Variants in VAV3 observed in about 807,000 individuals in gnomAD.
VAV3 encodes vav guanine nucleotide exchange factor 3, also known as guanine nucleotide exchange factor VAV3.
In VAV3, 94 loss-of-function variants were observed where a neutral mutation model predicts 131.2. That is an observed-to-expected ratio of 0.72 (90% CI 0.61 to 0.85). The LOEUF is 0.85. Ranked by LOEUF, VAV3 falls within the 40% of genes least tolerant of loss-of-function variation. The pLI is 0.00. For synonymous variants in VAV3, 349 were observed against 342.0 expected (o/e 1.02, Z -0.22); for missense variants, 939 against 1,002.7 (o/e 0.94, Z 0.86).
rs1654519601 is a variant in VAV3, at chr1:107,631,876, A to G, written c.1914+10743T>C. On this transcript the variant is annotated intron_variant, in intron 20 of 26. Transcript: ENST00000370056. The stretch of plus-strand genomic sequence containing the variant: ...CCACATTTTCTTAATCCAGTCTATC[A>G]TTGTTGGACATTTGGGTTGGTTCCA... 2.0e-5 allele frequency among the ~76,000 whole-genome samples: 3 copies of G among 152,012 alleles called. No homozygotes were observed. The South Asian group carries it at 6.2e-4, about 32-fold the overall frequency.
intron 1 of VAV3, among the ~76,000 whole-genome samples, chr1:107,946,851 C>T (rs1219034339): frequency 6.6e-6 from 1 of 152,216 alleles, no homozygotes; most frequent in Non-Finnish European, 1.5e-5. Context: ...ACATTAATAA[C>T]ACCAACCATA....
intron 1 of VAV3, among the ~76,000 whole-genome samples, chr1:107,919,347 T>C (rs1254586365): frequency 6.6e-6 from 1 of 152,226 alleles, no homozygotes; most frequent in Non-Finnish European, 1.5e-5. Context: ...ACTAATTCTA[T>C]TACATGGCTC....
Position 107,815,283 on chromosome 1 carries a change from A to G in VAV3, c.322-35791T>C, listed in dbSNP as rs571167642. Among the ~76,000 whole-genome samples the G allele has an allele frequency of 2.6e-5, 4 of 152,324 alleles. No homozygotes were observed. The South Asian group carries it at 6.2e-4, about 24-fold the overall frequency. On this transcript the variant is annotated intron_variant, in intron 2 of 26. Coordinates refer to ENST00000370056, the MANE Select transcript of VAV3 (RefSeq NM_006113.5). ...TTGACTCAAGACCTGCTTTCTGTCA[A>G]TCAGGCATACCAGCCCCAGACTAAC...
chr1:107,753,611 G>C (rs1164081581), intron 12 of VAV3, among the ~76,000 whole-genome samples: 1 of 149,512 alleles, frequency 6.7e-6, no homozygotes, highest in African/African-American at 2.5e-5. Flanking sequence ...CTAGGCTGCA[G>C]TGCAGTGGCA....
intron 2 of VAV3, among the ~76,000 whole-genome samples, chr1:107,780,773 C>T (rs533929339): frequency 6.6e-6 from 1 of 152,276 alleles, no homozygotes; most frequent in East Asian, 1.9e-4. Context: ...GCCTTGGCCT[C>T]CCAAAGTGCT....
At chr1:107,573,737 TA>T (rs1221209567) in intron 26 of VAV3, among the ~76,000 whole-genome samples, 2 of 152,234 alleles carry the variant, frequency 1.3e-5, no homozygotes, top group African/African-American at 4.8e-5. Flanking sequence ...TATTTTGCAA[TA>T]CACATAAAGT....
At chr1:107,746,928 G>A (rs947412664) in intron 15 of VAV3, among the ~76,000 whole-genome samples, 1 of 151,020 alleles carries the variant, frequency 6.6e-6, no homozygotes, top group South Asian at 2.1e-4. Flanking sequence ...TACCCAGGCT[G>A]GAGTGCAGTG....
chr1:107,896,933 A>G (rs1671610500), intron 1 of VAV3, among the ~76,000 whole-genome samples: 1 of 152,164 alleles, frequency 6.6e-6, no homozygotes, highest in Non-Finnish European at 1.5e-5. Flanking sequence ...CTCCAGAAAT[A>G]GACAGGAAAA....
chr1:107,622,760 C>A (rs186940725), intron 20 of VAV3, among the ~76,000 whole-genome samples: 526 of 152,322 alleles, frequency 3.5e-3, no homozygotes, highest in Middle Eastern at 0.01. Flanking sequence ...GACTGTCACC[C>A]TGCCCAGTCA....
chr1:107,612,350 T>C (rs973865720), intron 21 of VAV3, among the ~76,000 whole-genome samples: 3 of 152,082 alleles, frequency 2.0e-5, no homozygotes, highest in Non-Finnish European at 2.9e-5. Flanking sequence ...GGATAGTAAT[T>C]TTCTCTCACA....
intron 19 of VAV3, chr1:107,668,962 T>G: frequency 2.0e-6 from 2 of 990,688 alleles, no homozygotes; most frequent in Non-Finnish European, 2.4e-6. Context: ...TTCAACTCTT[T>G]CGCGATACGG....
chr1:107,764,168 T>C (rs966847685), intron 9 of VAV3, among the ~76,000 whole-genome samples: 2 of 152,016 alleles, frequency 1.3e-5, no homozygotes, highest in African/African-American at 4.8e-5. Context: ...ACTTATATAC[T>C]GTTGTGATCA....
intron 17 of VAV3, among the ~76,000 whole-genome samples, chr1:107,690,055 T>C (rs1659321105): frequency 6.6e-6 from 1 of 152,200 alleles, no homozygotes; most frequent in South Asian, 2.1e-4. Context: ...TGAGGAAAGC[T>C]TTCTACACGA....
At position 107,852,691 on chromosome 1, in the gene VAV3, T is replaced by C. The variant is rs574570803; in HGVS notation, c.321+22210A>G. On this transcript the variant is annotated intron_variant, in intron 2 of 26. Coordinates refer to ENST00000370056, the MANE Select transcript of VAV3 (RefSeq NM_006113.5). ...TTATTCCAAATTATTAAATTAACAT[T>C]ATGTATATCAACTGGTATCTTAAGT... is the stretch of plus-strand genomic sequence containing the variant. 4.6e-5 allele frequency among the ~76,000 whole-genome samples: 7 copies of C among 152,326 alleles called. 1 individual carries two copies. The South Asian group carries it at 1.4e-3, about 32-fold the overall frequency.
intron 19 of VAV3, among the ~76,000 whole-genome samples, chr1:107,670,986 T>A (rs1346353405): frequency 6.6e-6 from 1 of 152,202 alleles, no homozygotes; most frequent in Non-Finnish European, 1.5e-5. Context: ...GGAAGATGCA[T>A]AAAATATTTA....
At chr1:107,916,364 A>G (rs1672619453) in intron 1 of VAV3, among the ~76,000 whole-genome samples, 1 of 151,190 alleles carries the variant, frequency 6.6e-6, no homozygotes, top group South Asian at 2.1e-4. Flanking sequence ...TCTTAAAAAG[A>G]AACATATACC....
intron 20 of VAV3, among the ~76,000 whole-genome samples, chr1:107,635,740 A>G (rs1336518305): frequency 6.6e-6 from 1 of 152,220 alleles, no homozygotes; most frequent in Non-Finnish European, 1.5e-5. Flanking sequence ...CCATCCCAAT[A>G]TCCCTAAGGT....
intron 1 of VAV3, among the ~76,000 whole-genome samples, chr1:107,902,221 G>T (rs151185880): frequency 6.6e-6 from 1 of 152,158 alleles, no homozygotes; most frequent in Non-Finnish European, 1.5e-5. Context: ...TAGACCAAGG[G>T]TCTCTACAGA....
intron 1 of VAV3, among the ~76,000 whole-genome samples, chr1:107,902,843 T>C (rs1671928822): frequency 6.6e-6 from 1 of 152,200 alleles, no homozygotes; most frequent in Admixed American, 6.5e-5. Context: ...CTCATTTATC[T>C]ATATCCATAC....
Sources: allele counts gnomAD v4.1 joint callset (sites outside exome capture counted in the v4.1 genomes callset), GRCh38; gene constraint gnomAD v4.1.1; transcripts MANE v1.5; gene names NCBI Gene and HGNC (gene_info 2026-07-23, HGNC 2026-07-21).